The following URGCP variants were observed in gnomAD, a reference collection of about 807,000 sequenced individuals.
URGCP encodes the protein up-regulator of cell proliferation.
A neutral mutation model predicts 24.6 loss-of-function variants in URGCP; 13 were observed. The observed-to-expected ratio is 0.53, with a 90% CI of 0.34 to 0.84. URGCP has a LOEUF of 0.84. Ranked by LOEUF, URGCP falls within the 40% of genes least tolerant of loss-of-function variation. The pLI, the probability that URGCP is intolerant of heterozygous loss-of-function variation, is 0.01. For missense variants in URGCP, 899 were observed against 1,194.3 expected, an observed-to-expected ratio of 0.75 and a Z score of 3.64; for synonymous variants, 444 against 487.2, an observed-to-expected ratio of 0.91 and a Z score of 1.17.
intron 3 of URGCP, among the ~76,000 whole-genome samples, chr7:43,885,102 A>AT (rs10707770): frequency 1.6e-4 from 23 of 148,060 alleles, no homozygotes; most frequent in Non-Finnish European, 2.7e-4. Context: ...GTATAGTATA[A>AT]TTTTTTTTTT....
At chr7:43,912,038 A>C (rs1327898161) in intron 1 of URGCP, among the ~76,000 whole-genome samples, 1 of 152,116 alleles carries the variant, frequency 6.6e-6, no homozygotes, top group African/African-American at 2.4e-5. Context: ...ACCAAAACTT[A>C]TGGGATGCAG....
chr7:43,881,107 G>C, intron 5 of URGCP: 1 of 687,020 alleles, frequency 1.5e-6, no homozygotes, highest in East Asian at 2.7e-5. Flanking sequence ...TCCTAGCTTT[G>C]CCTGAATGAA....
chr7:43,892,370 C>T (rs951253121), intron 1 of URGCP, among the ~76,000 whole-genome samples: 4 of 151,180 alleles, frequency 2.6e-5, no homozygotes, highest in Non-Finnish European at 3.0e-5. Flanking sequence ...CTGCCCACCT[C>T]GGCCTCCCAA....
intron 1 of URGCP, chr7:43,888,256 C>T (rs1267186542): frequency 6.5e-6 from 1 of 153,456 alleles, no homozygotes; most frequent in Non-Finnish European, 1.4e-5. Context: ...AATTCCAGCA[C>T]TTTGGAAGGC....
intron 1 of URGCP, among the ~76,000 whole-genome samples, chr7:43,892,277 GC>G (rs1301258234): frequency 3.5e-5 from 5 of 144,580 alleles, no homozygotes; most frequent in Non-Finnish European, 6.0e-5. Context: ...AGGCTGGAGT[GC>G]AGTGGTGCAA....
At chr7:43,911,033 A>G (rs1277892763), upstream of URGCP, among the ~76,000 whole-genome samples, 1 of 152,226 alleles carries the variant, frequency 6.6e-6, no homozygotes, top group Non-Finnish European at 1.5e-5. Flanking sequence ...GGAAACTTCA[A>G]TACCCCACTT....
At chr7:43,921,212 G>A (rs543957963) in intron 1 of URGCP, among the ~76,000 whole-genome samples, 2 of 152,200 alleles carry the variant, frequency 1.3e-5, no homozygotes, top group Admixed American at 6.5e-5. Context: ...TGTAGTCCCA[G>A]CTACTCAGGA....
intron 1 of URGCP, among the ~76,000 whole-genome samples, chr7:43,890,376 G>A (rs944239406): frequency 6.6e-6 from 1 of 150,654 alleles, no homozygotes; most frequent in Admixed American, 6.7e-5. Flanking sequence ...GACCACGCCC[G>A]GCTAATTTTT....
intron 3 of URGCP, chr7:43,882,169 T>A: frequency 3.2e-6 from 2 of 627,314 alleles, no homozygotes; most frequent in Non-Finnish European, 4.9e-6. Flanking sequence ...CCAGGCATGG[T>A]GGCTCATGCC....
intron 1 of URGCP, chr7:43,906,008 G>A (rs1004191523): frequency 1.3e-5 from 2 of 152,216 alleles, no homozygotes; most frequent in African/African-American, 4.8e-5. Flanking sequence ...CCCCGACCAA[G>A]GAGATCCCGG....
intron 3 of URGCP, among the ~76,000 whole-genome samples, chr7:43,883,362 A>ATATATATTTTTT (rs1554289259): frequency 1.1e-5 from 1 of 88,324 alleles, no homozygotes; most frequent in Non-Finnish European, 2.0e-5. Context: ...ATATATATAT[A>ATATATATTTTTT]TTTTTTTTTT....
intron 3 of URGCP, among the ~76,000 whole-genome samples, chr7:43,883,364 T>TATATA (rs1562575266): frequency 1.5e-4 from 14 of 91,486 alleles, no homozygotes; most frequent in South Asian, 7.6e-4. Flanking sequence ...ATATATATAT[T>TATATA]TTTTTTTTTT....
intron 1 of URGCP, among the ~76,000 whole-genome samples, chr7:43,896,794 A>T (rs1266976301): frequency 6.6e-6 from 1 of 152,232 alleles, no homozygotes. Context: ...CATGCCTCAG[A>T]TGTGCTACAA....
In URGCP at chr7:43,877,590, C is replaced by T; in HGVS notation, c.1873G>A (p.Glu625Lys). ...GCCTCCACAAGACAGCTCTCAGCCT[C>T]ATAAAACTGTCCCATCTCCCGCAAG... ...HFLREMGQFYEAESCLVEAGR... is the reference protein window; with the variant it reads ...HFLREMGQFYKAESCLVEAGR... Residue 625 changes from glutamate (E) to lysine (K), a missense_variant, in exon 6 of 6, where the codon GAG becomes AAG. By Grantham distance (56) the Glu-to-Lys change is moderately conservative. Coordinates refer to ENST00000453200, the MANE Select transcript of URGCP (RefSeq NM_001077663.3). 6.2e-7 allele frequency: 1 copy of T among 1,614,174 alleles called. No homozygotes were observed. The highest frequency in any genetic ancestry group is 8.5e-7 in the Non-Finnish European group (1 of 1,180,030).
rs2132641988 is a variant in URGCP at position 43,876,552 on chromosome 7, T to C, written c.*115A>G. On this transcript the variant is annotated 3_prime_UTR_variant, in exon 6 of 6. Transcript: ENST00000453200. Reference sequence around the variant, plus strand: ...ACCCTGTCTTTTCCTCGTCTTCTCATGTCGATTGGGCACCAGCCATTCTCA... The same window carrying C: ...ACCCTGTCTTTTCCTCGTCTTCTCACGTCGATTGGGCACCAGCCATTCTCA... 8.5e-7 allele frequency: 1 copy of C among 1,172,440 alleles called. No individual in the cohort carries two copies. The highest frequency in any genetic ancestry group is 1.2e-6 in the Non-Finnish European group (1 of 825,884). 72.6% of individuals were successfully genotyped at this position (1,172,440 alleles called of 1,614,324 possible).
At chr7:43,918,695 C>T (rs756771588) in intron 1 of URGCP, 31 of 676,316 alleles carry the variant, frequency 4.6e-5, no homozygotes, top group African/African-American at 3.6e-4. Flanking sequence ...GCCTGAGGAG[C>T]GATACCAAGA....
At chr7:43,896,762 G>C (rs17711008) in intron 1 of URGCP, among the ~76,000 whole-genome samples, 16,130 of 152,192 alleles carry the variant, frequency 0.11, 1,218 homozygotes, top group Non-Finnish European at 0.16. Flanking sequence ...CCTATAAAAT[G>C]AGGCTGATCA....
At chr7:43,887,648 T>C in intron 2 of URGCP, 142 bp downstream of exon 2, 2 of 1,479,338 alleles carry the variant, frequency 1.4e-6, no homozygotes, top group Non-Finnish European at 1.8e-6. Flanking sequence ...TGGTCCTGGG[T>C]ATCACTGCTT....
At chr7:43,902,192 G>A (rs1713274501) in intron 1 of URGCP, among the ~76,000 whole-genome samples, 1 of 151,796 alleles carries the variant, frequency 6.6e-6, no homozygotes, top group African/African-American at 2.4e-5. Context: ...GGGAAGAAGA[G>A]GGGCAGGTGC....
Sources: gnomAD v4.1 joint callset for allele counts (sites outside exome capture counted in the v4.1 genomes callset) on GRCh38, gnomAD v4.1.1 for gene constraint, MANE v1.5 for transcripts, NCBI Gene and HGNC (gene_info 2026-07-23, HGNC 2026-07-21) for gene names.